The following OR3A2 variants were observed in gnomAD, a reference collection of about 807,000 sequenced individuals.
OR3A2 encodes the protein olfactory receptor family 3 subfamily A member 2.
For synonymous variants in OR3A2, 126 were observed against 159.3 expected, an observed-to-expected ratio of 0.79 and a Z score of 1.57; for missense variants, 318 against 392.8, an observed-to-expected ratio of 0.81 and a Z score of 1.61.
chr17:3,350,879 A>T (rs2049414395), intron 2 of OR3A2, among the ~76,000 whole-genome samples: 1 of 144,664 alleles, frequency 6.9e-6, no homozygotes, highest in African/African-American at 2.6e-5. Flanking sequence ...CTGGTTCAAT[A>T]TATGCAAATC....
At chr17:3,323,813 G>C (rs919896462) in intron 3 of OR3A2, among the ~76,000 whole-genome samples, 2 of 151,862 alleles carry the variant, frequency 1.3e-5, no homozygotes, top group South Asian at 4.1e-4. Flanking sequence ...TTTCAACTTT[G>C]GTGAATCTGA....
chr17:3,341,230 T>C lies in OR3A2; in HGVS notation c.-178-5104A>G, dbSNP rs555001277. Among the ~76,000 whole-genome samples the C allele has an allele frequency of 1.6e-4, 25 of 152,318 alleles. No individual in the cohort carries two copies. The Middle Eastern group carries it at 0.01, about 62-fold the overall frequency. ...CTTGACTCTTTATTCAATTTGCCAG[T>C]CTGTGTCCTTTAATTGGGGCATTTA... On this transcript the variant is annotated intron_variant, in intron 2 of 4. Coordinates refer to the OR3A2 transcript ENST00000573491.
chr17:3,324,774 G>C (rs964056660), intron 3 of OR3A2, among the ~76,000 whole-genome samples: 1 of 152,042 alleles, frequency 6.6e-6, no homozygotes, highest in African/African-American at 2.4e-5. Flanking sequence ...CCCTACTCGG[G>C]GGTGCCTCCC....
chr17:3,352,040 G>A (rs1183354031), intron 2 of OR3A2, among the ~76,000 whole-genome samples: 1 of 152,046 alleles, frequency 6.6e-6, no homozygotes, highest in African/African-American at 2.4e-5. Flanking sequence ...ATTCAAGATG[G>A]ATTGTATGTC....
At chr17:3,284,809 T>G (rs1403415805), upstream of OR3A2, among the ~76,000 whole-genome samples, 3 of 142,572 alleles carry the variant, frequency 2.1e-5, 1 homozygote, top group Non-Finnish European at 4.5e-5. Context: ...GGAGACTCTA[T>G]ATGGGCTTTC....
At chr17:3,278,137 T>A in exon 2 of OR3A2, 6 of 1,614,248 alleles carry the variant, frequency 3.7e-6, no homozygotes, top group Non-Finnish European at 5.1e-6. Context: ...CTCATGTAGT[T>A]GAAGATACCT....
intron 2 of OR3A2, among the ~76,000 whole-genome samples, chr17:3,341,927 A>T (rs1393642979): frequency 5.3e-5 from 8 of 152,098 alleles, no homozygotes; most frequent in Non-Finnish European, 1.0e-4. Context: ...TTGTCTTTTC[A>T]CATAGTCCCA....
Position 3,317,014 on chromosome 17 carries a change from GC to G in OR3A2, c.-85+19018del, listed in dbSNP as rs141891577. Among the ~76,000 whole-genome samples, 1,223 of 152,254 alleles carry G rather than the reference GC, an allele frequency of 8.0e-3. 12 individuals are homozygous for G. The highest frequency in any genetic ancestry group is 0.028 in the African/African-American group (1,144 of 41,548). ...CACCTACTACATAGTAAATACTCAA[GC>G]CCAGACAGGATGCCAAAGACTGCAG... is the stretch of plus-strand genomic sequence containing the variant. On this transcript the variant is annotated intron_variant, in intron 3 of 4. Coordinates refer to the OR3A2 transcript ENST00000573491.
chr17:3,341,551 G>A (rs2049319075), intron 2 of OR3A2, among the ~76,000 whole-genome samples: 1 of 152,112 alleles, frequency 6.6e-6, no homozygotes, highest in South Asian at 2.1e-4. Context: ...ATGAAATTCT[G>A]GGTTGAAAAT....
In OR3A2 at chr17:3,375,461, T is replaced by C. The variant is rs148699003; in HGVS notation, c.-179+8343A>G. 3.8e-3 allele frequency among the ~76,000 whole-genome samples: 575 copies of C among 151,722 alleles called. 5 individuals carry two copies. Among genetic ancestry groups the C allele is most frequent in the African/African-American group, 0.013 (548 of 41,396 alleles). On this transcript the variant is annotated intron_variant, in intron 2 of 4. Transcript: ENST00000573491. ...GGGACTACAGGCATATGCCACCATG[T>C]CTGGCTCATTTTGTATTTTTAGTAG...
At chr17:3,315,751 T>TA (rs371096011) in intron 3 of OR3A2, among the ~76,000 whole-genome samples, 11,519 of 128,746 alleles carry the variant, frequency 0.089, 924 homozygotes, top group East Asian at 0.49. Flanking sequence ...GGTGAAAATA[T>TA]GGGGGGGGGG....
Position 3,328,036 on chromosome 17 carries a change from G to A in OR3A2, c.-85+7997C>T, listed in dbSNP as rs1022998843. On this transcript the variant is annotated intron_variant, in intron 3 of 4. Transcript: ENST00000573491. Reference sequence around the variant, plus strand: ...TTTGGCTTAGGATTGCCTTGGCGATGGGGGCTCTTTTTTGGTTCCATATGA... The same window carrying A: ...TTTGGCTTAGGATTGCCTTGGCGATAGGGGCTCTTTTTTGGTTCCATATGA... Among the ~76,000 whole-genome samples the A allele has an allele frequency of 2.3e-3, 333 of 143,162 alleles. 3 individuals carry two copies. The Middle Eastern group carries it at 0.025, about 11-fold the overall frequency. 93.9% of individuals were successfully genotyped at this position (143,162 alleles called of 152,430 possible).
intron 2 of OR3A2, among the ~76,000 whole-genome samples, chr17:3,346,268 T>C (rs561868405): frequency 7.9e-5 from 12 of 152,200 alleles, no homozygotes; most frequent in Non-Finnish European, 1.5e-4. Flanking sequence ...TATGGGTACA[T>C]GGTAGGTGTA....
intron 3 of OR3A2, among the ~76,000 whole-genome samples, chr17:3,318,488 T>C (rs1288319957): frequency 2.6e-5 from 4 of 152,204 alleles, no homozygotes; most frequent in South Asian, 4.1e-4. Flanking sequence ...GCCTCCCCTT[T>C]ATTTGCTTGT....
chr17:3,333,983 C>T lies in OR3A2; in HGVS notation c.-85+2050G>A, dbSNP rs573777267. ...ACTTCTCAAAAGAAGACATTCATGC[C>T]GCCAAAAACATATGAAAAAAAGCTC... On this transcript the variant is annotated intron_variant, in intron 3 of 4. Coordinates refer to the OR3A2 transcript ENST00000573491. 4.6e-5 allele frequency among the ~76,000 whole-genome samples: 7 copies of T among 151,982 alleles called. No individual in the cohort carries two copies. In the East Asian group the frequency reaches 7.7e-4, roughly 17 times the overall value.
chr17:3,295,548 A>C (rs1393497757), intron 3 of OR3A2, among the ~76,000 whole-genome samples: 1 of 152,138 alleles, frequency 6.6e-6, no homozygotes, highest in Non-Finnish European at 1.5e-5. Flanking sequence ...CAAAACAATA[A>C]AAGCAAACAG....
chr17:3,284,929 G>T (rs115133950), upstream of OR3A2, among the ~76,000 whole-genome samples: 2 of 152,166 alleles, frequency 1.3e-5, no homozygotes, highest in Non-Finnish European at 1.5e-5. Flanking sequence ...CCAGAAGGGA[G>T]ATAAGAGGGA....
At chr17:3,314,358 TG>T (rs1181107797) in intron 3 of OR3A2, among the ~76,000 whole-genome samples, 1 of 152,242 alleles carries the variant, frequency 6.6e-6, no homozygotes. Flanking sequence ...TTTTTAACTC[TG>T]CTATGCAAAT....
chr17:3,330,888 G>A (rs1335171032), intron 3 of OR3A2, among the ~76,000 whole-genome samples: 6 of 151,780 alleles, frequency 4.0e-5, no homozygotes, highest in African/African-American at 1.5e-4. Context: ...TCCTTCAGGA[G>A]CTCTTTTAGG....
Sources: gnomAD v4.1 joint callset for allele counts (sites outside exome capture counted in the v4.1 genomes callset) on GRCh38, gnomAD v4.1.1 for gene constraint, MANE v1.5 for transcripts, NCBI Gene and HGNC (gene_info 2026-07-23, HGNC 2026-07-21) for gene names.